The following ATP8A2 variants were observed in gnomAD, a reference collection of about 807,000 sequenced individuals.
The protein encoded by ATP8A2 is ATPase phospholipid transporting 8A2.
A neutral mutation model predicts 165.6 loss-of-function variants in ATP8A2; 100 were observed. The ratio of observed to expected loss-of-function variants is 0.60; its 90% CI spans 0.51 to 0.71. The LOEUF is 0.71. Among genes scored for constraint, ATP8A2 ranks in the 30% least tolerant of loss-of-function variants. ATP8A2 has a pLI of 0.00. For synonymous variants in ATP8A2, 543 were observed against 548.8 expected (o/e 0.99, Z 0.15); for missense variants, 1,227 against 1,479.5 (o/e 0.83, Z 2.80).
At chr13:25,609,132 A>G (rs1335547753) in intron 24 of ATP8A2, among the ~76,000 whole-genome samples, 1 of 152,170 alleles carries the variant, frequency 6.6e-6, no homozygotes, top group African/African-American at 2.4e-5. Context: ...ATAAAAGAGC[A>G]AGAGAAGATC....
intron 2 of ATP8A2, among the ~76,000 whole-genome samples, chr13:25,469,907 T>C (rs1274558419): frequency 6.6e-6 from 1 of 152,222 alleles, no homozygotes; most frequent in Non-Finnish European, 1.5e-5. Context: ...TTCATTAAAC[T>C]TTCAGGCTTA....
chr13:25,485,112 A>G (rs1327558312), intron 2 of ATP8A2, among the ~76,000 whole-genome samples: 2 of 152,242 alleles, frequency 1.3e-5, no homozygotes, highest in Non-Finnish European at 2.9e-5. Flanking sequence ...TAAACTGAAT[A>G]ATTTCACATA....
chr13:25,663,947 G>T (rs377757772), intron 24 of ATP8A2, among the ~76,000 whole-genome samples: 1 of 152,126 alleles, frequency 6.6e-6, no homozygotes, highest in South Asian at 2.1e-4. Context: ...GGTGGCTCAC[G>T]CCTGTAATCC....
chr13:25,410,916 C>A (rs1163507350), intron 1 of ATP8A2, among the ~76,000 whole-genome samples: 1 of 152,208 alleles, frequency 6.6e-6, no homozygotes, highest in Non-Finnish European at 1.5e-5. Flanking sequence ...AACCATTTTC[C>A]TTTGTTCTTG....
chr13:25,989,085 G>A (rs1360322380), intron 35 of ATP8A2, among the ~76,000 whole-genome samples: 1 of 152,248 alleles, frequency 6.6e-6, no homozygotes, highest in African/African-American at 2.4e-5. Context: ...TGTTTAGGAG[G>A]TTAATCGGTG....
At chr13:25,817,502 G>C (rs1484966077) in intron 27 of ATP8A2, among the ~76,000 whole-genome samples, 1 of 151,990 alleles carries the variant, frequency 6.6e-6, no homozygotes, top group African/African-American at 2.4e-5. Context: ...ACTAACTTTT[G>C]TGACTTTGAG....
chr13:25,757,597 A>C (rs968291724), intron 25 of ATP8A2, among the ~76,000 whole-genome samples: 1 of 151,724 alleles, frequency 6.6e-6, no homozygotes, highest in Non-Finnish European at 1.5e-5. Flanking sequence ...CTCTCTCTCT[A>C]TCACACTCAG....
At chr13:25,935,909 T>A (rs1264253210) in intron 33 of ATP8A2, among the ~76,000 whole-genome samples, 5 of 152,176 alleles carry the variant, frequency 3.3e-5, no homozygotes, top group African/African-American at 9.7e-5. Flanking sequence ...TAGGCTTGAG[T>A]TGCAGGTAAT....
intron 33 of ATP8A2, among the ~76,000 whole-genome samples, chr13:25,941,533 C>T (rs2139109535): frequency 6.6e-6 from 1 of 152,322 alleles, no homozygotes; most frequent in East Asian, 1.9e-4. Context: ...GAACCCCACA[C>T]AGGCGTCTCT....
chr13:25,386,416 C>G (rs534049477), intron 1 of ATP8A2, among the ~76,000 whole-genome samples: 1 of 152,274 alleles, frequency 6.6e-6, no homozygotes, highest in African/African-American at 2.4e-5. Flanking sequence ...AATATCGAGG[C>G]AGGCTGAGGT....
At chr13:25,720,168 T>TTTTTTTTTTTTC (rs2043345422) in intron 25 of ATP8A2, among the ~76,000 whole-genome samples, 1 of 101,006 alleles carries the variant, frequency 9.9e-6, no homozygotes, top group Non-Finnish European at 1.9e-5. Context: ...ATACTTTTTC[T>TTTTTTTTTTTTC]TTTTTTTTTT....
At chr13:25,529,450 C>T (rs1050827001) in intron 2 of ATP8A2, among the ~76,000 whole-genome samples, 9 of 152,116 alleles carry the variant, frequency 5.9e-5, no homozygotes, top group African/African-American at 2.2e-4. Context: ...TGAGGAGTGT[C>T]GTTATAAATT....
chr13:25,944,022 A>G (rs534909069), intron 33 of ATP8A2, among the ~76,000 whole-genome samples: 21 of 152,264 alleles, frequency 1.4e-4, no homozygotes, highest in Non-Finnish European at 2.6e-4. Flanking sequence ...GGTCAGAAAT[A>G]TAGTAAAATA....
intron 1 of ATP8A2, among the ~76,000 whole-genome samples, chr13:25,433,396 C>T (rs1228171680): frequency 2.0e-5 from 3 of 152,106 alleles, no homozygotes; most frequent in African/African-American, 7.2e-5. Flanking sequence ...CCTCAGCTTC[C>T]CAAGTAGCTG....
chr13:25,769,104 A>G lies in ATP8A2; in HGVS notation c.2443A>G (p.Ile815Val), dbSNP rs200419415. ...VDVVKKRVKA[I>V]TLAIGDGAND... ...TGTGGTGAAGAAGCGGGTGAAGGCC[A>G]TCACCCTCGCCATCGGAGACGGCGC... Residue 815 changes from isoleucine (I) to valine (V), a missense_variant, in exon 26 of 37, where the codon ATC becomes GTC. Around this residue, in one of 5 missense-constraint regions of ATP8A2, gnomAD observed 592 missense variants for 785.6 expected, o/e 0.75. Coordinates refer to ENST00000381655, the MANE Select transcript of ATP8A2 (RefSeq NM_016529.6). 5.4e-5 allele frequency: 87 copies of G among 1,614,054 alleles called. No homozygotes were observed. Among genetic ancestry groups the G allele is most frequent in the Non-Finnish European group, 5.5e-5 (65 of 1,179,998 alleles).
intron 29 of ATP8A2, 72 bp downstream of exon 29, chr13:25,837,357 G>A: frequency 2.6e-6 from 4 of 1,557,726 alleles, no homozygotes; most frequent in Non-Finnish European, 2.6e-6. Context: ...ATCTGCCTAG[G>A]AGATAGTTGA....
At chr13:25,573,516 G>T (rs4551866) in intron 18 of ATP8A2, among the ~76,000 whole-genome samples, 15,629 of 152,136 alleles carry the variant, frequency 0.1, 1,274 homozygotes, top group African/African-American at 0.22. Flanking sequence ...CAAATTATAG[G>T]TTTTGCATAT....
chr13:26,018,787 G>C (rs1957036713), intron 36 of ATP8A2, among the ~76,000 whole-genome samples: 1 of 152,176 alleles, frequency 6.6e-6, no homozygotes, highest in Admixed American at 6.5e-5. Flanking sequence ...ACCTTGGGCA[G>C]GTCACAAAAA....
intron 33 of ATP8A2, among the ~76,000 whole-genome samples, chr13:25,957,444 G>T (rs1410817394): frequency 6.6e-6 from 1 of 152,192 alleles, no homozygotes; most frequent in Non-Finnish European, 1.5e-5. Context: ...ATCAAAAAGT[G>T]GCTGAAGGAT....
Sources: gnomAD v4.1 joint callset for allele counts (sites outside exome capture counted in the v4.1 genomes callset) on GRCh38, gnomAD v4.1.1 for gene constraint, gnomAD v4.1.1 regional missense constraint, MANE v1.5 for transcripts, NCBI Gene and HGNC (gene_info 2026-07-23, HGNC 2026-07-21) for gene names.